ACSBG1: variants seen among roughly 807,000 people sequenced by gnomAD.
The protein encoded by ACSBG1 is long-chain-fatty-acid--CoA ligase ACSBG1.
Under a neutral mutation model 80.2 loss-of-function variants are expected in ACSBG1, and 39 were observed. The observed-to-expected ratio is 0.49, with a 90% CI of 0.38 to 0.64. ACSBG1 has a LOEUF of 0.64. Ranked by LOEUF, ACSBG1 falls within the 30% of genes least tolerant of loss-of-function variation. ACSBG1 has a pLI of 0.00. For synonymous variants in ACSBG1, 392 were observed against 379.5 expected (o/e 1.03, Z -0.38); for missense variants, 828 against 966.4 (o/e 0.86, Z 1.90).
In ACSBG1 at chr15:78,172,278, A is replaced by T. The variant is rs1174650982; in HGVS notation, c.2090-749T>A. 6.6e-6 allele frequency among the ~76,000 whole-genome samples: 1 copy of T among 152,234 alleles called. No individual in the cohort carries two copies. Among genetic ancestry groups the T allele is most frequent in the Non-Finnish European group, 1.5e-5 (1 of 68,042 alleles). On this transcript the variant is annotated intron_variant, in intron 13 of 13. Transcript: ENST00000258873. The surrounding 1 kb of genome is among the most constrained non-coding windows in gnomAD (Gnocchi z 4.1). ...TTTAGGCTGCTACATTTTTGGGGTC[A>T]TTTGTTACACAGCAATGTATTAGAT...
At chr15:78,220,266 C>T (rs11632293) in intron 1 of ACSBG1, among the ~76,000 whole-genome samples, 37,881 of 152,118 alleles carry the variant, frequency 0.25, 5,345 homozygotes, top group Non-Finnish European at 0.32. Context: ...AATGCTGGGA[C>T]ATGTGCCAAA....
At chr15:78,204,248 A>G (rs2075193974) in intron 2 of ACSBG1, among the ~76,000 whole-genome samples, 1 of 152,222 alleles carries the variant, frequency 6.6e-6, no homozygotes, top group Non-Finnish European at 1.5e-5. Flanking sequence ...TCATTGTTTT[A>G]GCTTTTTAAA....
At chr15:78,180,676 G>T (rs17479135) in intron 9 of ACSBG1, 79 bp downstream of exon 9, 1 of 1,532,290 alleles carries the variant, frequency 6.5e-7, no homozygotes, top group Non-Finnish European at 8.8e-7. Context: ...CAGGCATGGC[G>T]TATCAGACCC....
intron 1 of ACSBG1, among the ~76,000 whole-genome samples, chr15:78,210,562 A>G (rs2075258468): frequency 6.6e-6 from 1 of 152,156 alleles, no homozygotes; most frequent in Non-Finnish European, 1.5e-5. Context: ...GTGCTGTCTC[A>G]CACTCGTTGT....
rs2074854400 is a variant in ACSBG1 at position 78,173,850 on chromosome 15, A to G, written c.1843-11T>C. 3.1e-6 allele frequency: 5 copies of G among 1,613,022 alleles called. No individual in the cohort carries two copies. Among genetic ancestry groups the G allele is most frequent in the Non-Finnish European group, 4.2e-6 (5 of 1,179,528 alleles). Reference sequence around the variant, plus strand: ...TGGGTCCAGAGTGCACTGAAAAGCCAGAGATCAGATGAGGACCAAGCCTTA... The same window carrying G: ...TGGGTCCAGAGTGCACTGAAAAGCCGGAGATCAGATGAGGACCAAGCCTTA... On this transcript the variant is annotated splice_polypyrimidine_tract_variant and intron_variant, in intron 12 of 13. Coordinates refer to ENST00000258873, the MANE Select transcript of ACSBG1 (RefSeq NM_015162.5).
At chr15:78,221,314 A>G (rs7163412) in intron 1 of ACSBG1, among the ~76,000 whole-genome samples, 25,307 of 152,116 alleles carry the variant, frequency 0.17, 2,275 homozygotes, top group Admixed American at 0.21. Context: ...TCAGCAAGGA[A>G]ACATGCGAGT....
rs1490850318 is a variant in ACSBG1, at chr15:78,178,712, T to G, written c.1604A>C (p.Lys535Thr). 1 of 1,614,056 alleles carries G rather than the reference T, an allele frequency of 6.2e-7. No homozygotes were observed. The highest frequency in any genetic ancestry group is 8.5e-7 in the Non-Finnish European group (1 of 1,180,022). Reference sequence around the variant, plus strand: ...TTCCTCGTCGATGGCCTCACAAGTCTTGTCCTCCATGTTCAGGTAGCCCAT... The same window carrying G: ...TTCCTCGTCGATGGCCTCACAAGTCGTGTCCTCCATGTTCAGGTAGCCCAT... ...IFMGYLNMEDKTCEAIDEEGW... is the reference protein window; with the variant it reads ...IFMGYLNMEDTTCEAIDEEGW... The change falls in exon 11 of 14, where the codon AAG becomes ACG. Residue 535 changes from lysine (K) to threonine (T), a missense_variant. Transcript: ENST00000258873. The surrounding 1 kb of genome is among the most constrained non-coding windows in gnomAD (Gnocchi z 4.3).
chr15:78,190,667 T>C (rs537330098), intron 5 of ACSBG1, among the ~76,000 whole-genome samples: 4 of 151,812 alleles, frequency 2.6e-5, no homozygotes, highest in African/African-American at 9.7e-5. Context: ...AGAAGTAAAA[T>C]GGATGACGAC....
In ACSBG1 at chr15:78,190,200, G is replaced by A. The variant is rs184575730; in HGVS notation, c.663+3306C>T. On this transcript the variant is annotated intron_variant, in intron 5 of 13. Transcript: ENST00000258873. ...GAGGTGGGCAAATTGCTTGAGCCCAGGAATTTGAGATGAGCCTGGGCAACA... is the reference window on the plus strand; with the variant it reads ...GAGGTGGGCAAATTGCTTGAGCCCAAGAATTTGAGATGAGCCTGGGCAACA... 3.0e-3 allele frequency among the ~76,000 whole-genome samples: 453 copies of A among 150,254 alleles called. 3 individuals carry two copies. The highest frequency in any genetic ancestry group is 0.01 in the African/African-American group (423 of 40,756).
chr15:78,223,192 C>T (rs967835194), intron 1 of ACSBG1, among the ~76,000 whole-genome samples: 12 of 144,400 alleles, frequency 8.3e-5, no homozygotes, highest in African/African-American at 2.3e-4. Context: ...ATCTTGAACG[C>T]GCGATGTTGG....
chr15:78,222,648 C>T (rs901433714), intron 1 of ACSBG1, among the ~76,000 whole-genome samples: 26 of 152,186 alleles, frequency 1.7e-4, no homozygotes, highest in East Asian at 1.2e-3. Context: ...GAGATCCTGT[C>T]GCAAAATAAT....
chr15:78,194,699 T>C lies in ACSBG1; in HGVS notation c.260A>G (p.Asp87Gly). 1.2e-6 allele frequency: 2 copies of C among 1,612,886 alleles called. No individual in the cohort carries two copies. Among genetic ancestry groups the C allele is most frequent in the Non-Finnish European group, 1.7e-6 (2 of 1,179,828 alleles). ...GTCTATGCGCAGGCGCACCCGCCCATCGGCCCGAGTCGTCCACAGCGCCTC... is the reference window on the plus strand; with the variant it reads ...GTCTATGCGCAGGCGCACCCGCCCACCGGCCCGAGTCGTCCACAGCGCCTC... ...PEEALWTTRA[D>G]GRVRLRIDPS... is the part of the protein sequence containing the mutation. The change falls in exon 3 of 14, where the codon GAT (aspartate) becomes GGT (glycine). Residue 87 changes from aspartate (D) to glycine (G), a missense_variant. This residue lies in a region of ACSBG1 where 356 missense variants were observed against 363.5 expected (regional missense o/e 0.98). Coordinates refer to ENST00000258873, the MANE Select transcript of ACSBG1 (RefSeq NM_015162.5).
At chr15:78,193,669 G>A (rs761746360) in intron 4 of ACSBG1, 43 bp from the exon 5 acceptor site, 2 of 1,588,770 alleles carry the variant, frequency 1.3e-6, no homozygotes, top group East Asian at 2.2e-5. Context: ...GAGGTGCAGA[G>A]GGGCCACCCC....
intron 10 of ACSBG1, 112 bp downstream of exon 10, chr15:78,179,438 G>T: frequency 2.0e-6 from 2 of 1,011,282 alleles, no homozygotes; most frequent in Non-Finnish European, 1.5e-6. Flanking sequence ...CAGGTCTCTG[G>T]GACCCAACTG....
rs144231413 is a variant in ACSBG1 at position 78,232,710 on chromosome 15, C to T, written c.131+1661G>A. 3.3e-4 allele frequency among the ~76,000 whole-genome samples: 49 copies of T among 150,328 alleles called. No homozygotes were observed. The East Asian group carries it at 8.6e-3, about 26-fold the overall frequency. Reference sequence around the variant, plus strand: ...TTCTTTTTTTTTTTTTTGAGAAGGACTTTTGCTCTCGTGGCCCAGGCTGGA... The same window carrying T: ...TTCTTTTTTTTTTTTTTGAGAAGGATTTTTGCTCTCGTGGCCCAGGCTGGA... On this transcript the variant is annotated intron_variant, in intron 1 of 13. Transcript: ENST00000258873.
intron 1 of ACSBG1, among the ~76,000 whole-genome samples, chr15:78,219,549 A>G (rs1374995985): frequency 6.6e-6 from 1 of 152,274 alleles, no homozygotes. Context: ...AAATGGAAAG[A>G]TATCTCATGA....
At chr15:78,196,283 C>T (rs951135942) in intron 2 of ACSBG1, among the ~76,000 whole-genome samples, 4 of 152,232 alleles carry the variant, frequency 2.6e-5, no homozygotes, top group Non-Finnish European at 4.4e-5. Context: ...TCCCGGGATG[C>T]TAGCCTGGTG....
In ACSBG1 at chr15:78,194,642, T is replaced by C. The variant is rs942215488; in HGVS notation, c.317A>G (p.His106Arg). 3.7e-6 allele frequency: 6 copies of C among 1,614,108 alleles called. No individual in the cohort carries two copies. Among genetic ancestry groups the C allele is most frequent in the Non-Finnish European group, 5.1e-6 (6 of 1,180,042 alleles). Residue 106 changes from histidine (H) to arginine (R), a missense_variant, in exon 3 of 14, where the codon CAT (histidine) becomes CGT (arginine). By Grantham distance (29) the His-to-Arg change is conservative. This residue lies in a region of ACSBG1 where 356 missense variants were observed against 363.5 expected (regional missense o/e 0.98). Transcript: ENST00000258873. ...ATCCAGGGCCTCGTAGAACATCCGA[T>C]GCACAGTGTAGGGAAGCTGTGGGCA... ...PSCPQLPYTVHRMFYEALDKY... is the reference protein window; with the variant it reads ...PSCPQLPYTVRRMFYEALDKY...
At position 78,200,562 on chromosome 15, in the gene ACSBG1, T is replaced by C. The variant is rs145704668; in HGVS notation, c.233-5836A>G. Among the ~76,000 whole-genome samples the C allele has an allele frequency of 3.9e-5, 6 of 151,972 alleles. No homozygotes were observed. The East Asian group carries it at 5.8e-4, about 15-fold the overall frequency. ...CCACTGTCACCTCCCAACTAAAGAG[T>C]TGAGTGGCAGAGCTGGCATCCAAAC... On this transcript the variant is annotated intron_variant, in intron 2 of 13. Transcript: ENST00000258873.
Sources: gnomAD v4.1 joint callset for allele counts (sites outside exome capture counted in the v4.1 genomes callset) on GRCh38, gnomAD v4.1.1 for gene constraint, gnomAD v4.1.1 regional missense constraint, Gnocchi (gnomAD v3.1) non-coding constraint, MANE v1.5 for transcripts, NCBI Gene and HGNC (gene_info 2026-07-23, HGNC 2026-07-21) for gene names.